ROR1: variants seen among roughly 807,000 people sequenced by gnomAD.
ROR1 encodes inactive tyrosine-protein kinase transmembrane receptor ROR1.
Under a neutral mutation model 78.8 loss-of-function variants are expected in ROR1, and 19 were observed. That is an observed-to-expected ratio of 0.24 (90% CI 0.17 to 0.35). ROR1 has a LOEUF of 0.35. ROR1 is among the 10% of genes least tolerant of loss of function. The pLI is 1.00. For missense variants in ROR1, 917 were observed against 1,177.8 expected (o/e 0.78, Z 3.24); for synonymous variants, 386 against 433.6 (o/e 0.89, Z 1.36).
chr1:63,785,496 A>T (rs895340834), intron 1 of ROR1, among the ~76,000 whole-genome samples: 10 of 126,424 alleles, frequency 7.9e-5, no homozygotes, highest in South Asian at 2.4e-4. Flanking sequence ...ATATATATAT[A>T]TTTTATTTAT....
chr1:64,050,633 C>T, intron 3 of ROR1, 53 bp from the exon 4 acceptor site: 1 of 1,525,216 alleles, frequency 6.6e-7, no homozygotes, highest in Non-Finnish European at 9.1e-7. Context: ...TCCATACTCA[C>T]CCTCCAATAA....
At chr1:63,934,858 A>G (rs753762941) in intron 1 of ROR1, among the ~76,000 whole-genome samples, 12 of 152,048 alleles carry the variant, frequency 7.9e-5, no homozygotes, top group African/African-American at 9.7e-5. Flanking sequence ...TTTTCTGAGG[A>G]TTTAGATGAT....
chr1:63,957,405 C>A (rs1645992251), intron 1 of ROR1, among the ~76,000 whole-genome samples: 1 of 152,204 alleles, frequency 6.6e-6, no homozygotes, highest in Non-Finnish European at 1.5e-5. Flanking sequence ...TCTGGAATTT[C>A]ATTCCCATGT....
intron 1 of ROR1, among the ~76,000 whole-genome samples, chr1:63,908,893 G>A (rs972827424): frequency 1.3e-5 from 2 of 152,300 alleles, no homozygotes; most frequent in African/African-American, 4.8e-5. Flanking sequence ...AATGTGCCAG[G>A]GAGTGGGAAG....
chr1:63,850,973 T>C (rs1332472099), intron 1 of ROR1, among the ~76,000 whole-genome samples: 3 of 151,944 alleles, frequency 2.0e-5, no homozygotes, highest in African/African-American at 7.2e-5. Flanking sequence ...TTTTGTTTTG[T>C]TTGCTTTTTG....
Position 64,161,447 on chromosome 1 carries a change from C to T in ROR1, c.1386+2255C>T, listed in dbSNP as rs751743150. On this transcript the variant is annotated intron_variant, in intron 8 of 8. Transcript: ENST00000371079. ...GTCAGTTTGTGCTTCAGAGTAACCA[C>T]AGGCATTCTCCTGGCTTCTGACAAA... Among the ~76,000 whole-genome samples the T allele has an allele frequency of 3.7e-4, 56 of 152,326 alleles. 2 individuals carry two copies. Among genetic ancestry groups the T allele is most frequent in the Non-Finnish European group, 6.9e-4 (47 of 68,034 alleles).
chr1:64,069,290 T>C (rs1407128847), intron 4 of ROR1, among the ~76,000 whole-genome samples: 1 of 152,246 alleles, frequency 6.6e-6, no homozygotes, highest in Non-Finnish European at 1.5e-5. Context: ...TGATCCATTA[T>C]GAAATTTGTG....
At chr1:63,827,713 T>C (rs1644964105) in intron 1 of ROR1, among the ~76,000 whole-genome samples, 1 of 152,164 alleles carries the variant, frequency 6.6e-6, no homozygotes, top group Non-Finnish European at 1.5e-5. Context: ...TAGTAAGTTT[T>C]CACGTTTGGC....
intron 1 of ROR1, among the ~76,000 whole-genome samples, chr1:63,787,094 A>C (rs1182384750): frequency 6.6e-6 from 1 of 151,992 alleles, no homozygotes; most frequent in Non-Finnish European, 1.5e-5. Context: ...AGGAATTTCT[A>C]CCCTCACACC....
chr1:63,989,897 C>T (rs1463476842), intron 1 of ROR1, among the ~76,000 whole-genome samples: 1 of 152,220 alleles, frequency 6.6e-6, no homozygotes, highest in African/African-American at 2.4e-5. Context: ...GAGCCCTTGG[C>T]CATGGCTTCC....
intron 1 of ROR1, among the ~76,000 whole-genome samples, chr1:63,838,470 G>A (rs1020872753): frequency 3.3e-5 from 5 of 151,938 alleles, no homozygotes; most frequent in Non-Finnish European, 1.5e-5. Context: ...GTGTGTGTTT[G>A]TGTCTTAATT....
chr1:64,067,687 T>C (rs953975362), intron 4 of ROR1, among the ~76,000 whole-genome samples: 1 of 151,502 alleles, frequency 6.6e-6, no homozygotes, highest in African/African-American at 2.4e-5. Context: ...TTTCAAACTA[T>C]TTCTATCCAA....
At chr1:64,117,885 C>CTG (rs3084941) in intron 4 of ROR1, among the ~76,000 whole-genome samples, 1 of 152,006 alleles carries the variant, frequency 6.6e-6, no homozygotes, top group African/African-American at 2.4e-5. Context: ...GATCAGTTCA[C>CTG]GCATTTTGTC....
intron 1 of ROR1, among the ~76,000 whole-genome samples, chr1:63,807,390 C>G (rs1644836573): frequency 6.6e-6 from 1 of 152,166 alleles, no homozygotes; most frequent in African/African-American, 2.4e-5. Context: ...GAGAAGGGGA[C>G]AATGCCTTCC....
At chr1:64,000,777 C>T (rs1322039071) in intron 1 of ROR1, among the ~76,000 whole-genome samples, 1 of 152,314 alleles carries the variant, frequency 6.6e-6, no homozygotes, top group East Asian at 1.9e-4. Flanking sequence ...GGACCACCTT[C>T]CTGCCCTTTG....
chr1:63,873,128 G>A (rs1645262622), intron 1 of ROR1, among the ~76,000 whole-genome samples: 1 of 152,020 alleles, frequency 6.6e-6, no homozygotes, highest in South Asian at 2.1e-4. Context: ...GAGACCTGCT[G>A]TGAACTGCTG....
At chr1:64,129,791 C>T (rs1052709409) in intron 4 of ROR1, among the ~76,000 whole-genome samples, 2 of 152,182 alleles carry the variant, frequency 1.3e-5, no homozygotes, top group East Asian at 1.9e-4. Flanking sequence ...ATATTACACA[C>T]ATAATTTTCC....
intron 1 of ROR1, chr1:63,843,549 A>T: frequency 1.4e-6 from 1 of 736,932 alleles, no homozygotes; most frequent in Non-Finnish European, 2.4e-6. Flanking sequence ...CTCCAGGATG[A>T]TGTTCTTCTT....
chr1:64,058,043 G>A (rs1646888805), intron 4 of ROR1, among the ~76,000 whole-genome samples: 1 of 151,994 alleles, frequency 6.6e-6, no homozygotes, highest in Non-Finnish European at 1.5e-5. Flanking sequence ...TGCAAGTCTT[G>A]CTCTCTTTTC....
Sources: gnomAD v4.1 joint callset for allele counts (sites outside exome capture counted in the v4.1 genomes callset) on GRCh38, gnomAD v4.1.1 for gene constraint, MANE v1.5 for transcripts, NCBI Gene and HGNC (gene_info 2026-07-23, HGNC 2026-07-21) for gene names.